ZC3H12B: variants seen among roughly 807,000 people sequenced by gnomAD.
ZC3H12B encodes the protein probable ribonuclease ZC3H12B.
Under a neutral mutation model 43.9 loss-of-function variants are expected in ZC3H12B, and 7 were observed. That is an observed-to-expected ratio of 0.16 (90% CI 0.09 to 0.30). ZC3H12B has a LOEUF of 0.30. Ranked by LOEUF, ZC3H12B falls within the 10% of genes least tolerant of loss-of-function variation. The pLI is 1.00. For synonymous variants in ZC3H12B, 222 were observed against 241.7 expected, an observed-to-expected ratio of 0.92 and a Z score of 0.76; for missense variants, 475 against 670.2, an observed-to-expected ratio of 0.71 and a Z score of 3.22.
chrX:65,113,821 C>T, the ZC3H12B span, among the ~76,000 whole-genome samples: 1 of 106,210 alleles, frequency 9.4e-6, no homozygotes, highest in East Asian at 3.1e-4. Flanking sequence ...AAGGTATGTA[C>T]ATTTCTAGAC....
chrX:65,222,762 G>T, the ZC3H12B span, among the ~76,000 whole-genome samples: 2 of 110,342 alleles, frequency 1.8e-5, no homozygotes, highest in Non-Finnish European at 3.8e-5. Context: ...AACATCCCAT[G>T]CTCATGGATG....
chrX:65,503,663 C>T (rs2068398760), exon 5 of ZC3H12B: 1 of 110,682 alleles, frequency 9.0e-6, no homozygotes, highest in Non-Finnish European at 1.9e-5. Context: ...GTTACACAGG[C>T]TGGAGTGCAG....
chrX:65,154,737 G>A, the ZC3H12B span, among the ~76,000 whole-genome samples: 2 of 111,283 alleles, frequency 1.8e-5, no homozygotes. Flanking sequence ...TTCCAGCTAT[G>A]AAGGAGGCTG....
At chrX:65,085,625 A>G in the ZC3H12B span, among the ~76,000 whole-genome samples, 1 of 110,207 alleles carries the variant, frequency 9.1e-6, no homozygotes. Flanking sequence ...ATAAAAAATT[A>G]GCCAGGCCTG....
At chrX:65,047,719 A>G in the ZC3H12B span, among the ~76,000 whole-genome samples, 1 of 111,019 alleles carries the variant, frequency 9.0e-6, no homozygotes, top group African/African-American at 3.3e-5. Flanking sequence ...TCAATGATAT[A>G]TATTTTTCCA....
intron 3 of ZC3H12B, among the ~76,000 whole-genome samples, chrX:65,472,352 G>A (rs1009682358): frequency 2.7e-5 from 3 of 109,684 alleles, no homozygotes; most frequent in African/African-American, 1.0e-4. Context: ...TTTTCACTCT[G>A]TTGATTGTTC....
At chrX:65,112,599 A>G in the ZC3H12B span, among the ~76,000 whole-genome samples, 2 of 111,852 alleles carry the variant, frequency 1.8e-5, no homozygotes, top group Non-Finnish European at 3.8e-5. Context: ...ACCATTAAAA[A>G]TTATGCTAAA....
the ZC3H12B span, among the ~76,000 whole-genome samples, chrX:65,238,860 G>C: frequency 2.7e-5 from 3 of 111,911 alleles, no homozygotes; most frequent in Admixed American, 2.8e-4. Context: ...TGATTCAGGA[G>C]CAGATTTTTC....
chrX:65,346,771 G>C, the ZC3H12B span, among the ~76,000 whole-genome samples: 1 of 112,072 alleles, frequency 8.9e-6, no homozygotes, highest in Admixed American at 9.4e-5. Flanking sequence ...CTCTCACCAG[G>C]GCATCTCTGA....
At chrX:65,422,812 T>A (rs1183008347) in intron 3 of ZC3H12B, among the ~76,000 whole-genome samples, 1 of 111,056 alleles carries the variant, frequency 9.0e-6, no homozygotes, top group Non-Finnish European at 1.9e-5. Context: ...GTGTTAGTTT[T>A]CTGAGAATGA....
chrX:65,176,164 G>T, the ZC3H12B span, among the ~76,000 whole-genome samples: 1 of 112,067 alleles, frequency 8.9e-6, no homozygotes, highest in Non-Finnish European at 1.9e-5. Context: ...TGCCAGGACA[G>T]CAGTCTGAAG....
At chrX:65,170,190 G>A in the ZC3H12B span, among the ~76,000 whole-genome samples, 70 of 111,568 alleles carry the variant, frequency 6.3e-4, no homozygotes, top group African/African-American at 2.0e-3. Flanking sequence ...CCTTTCCATG[G>A]TTAGTGCTTT....
At chrX:65,375,523 A>C (rs1226666322) in intron 2 of ZC3H12B, among the ~76,000 whole-genome samples, 1 of 111,992 alleles carries the variant, frequency 8.9e-6, no homozygotes, top group African/African-American at 3.2e-5. Flanking sequence ...CATGGCTGCG[A>C]AAGAGACACC....
At chrX:65,477,551 C>T (rs1249241222) in intron 3 of ZC3H12B, among the ~76,000 whole-genome samples, 2 of 111,756 alleles carry the variant, frequency 1.8e-5, no homozygotes. Flanking sequence ...GTAATCCCAG[C>T]ACTTTGGGAG....
the ZC3H12B span, among the ~76,000 whole-genome samples, chrX:65,176,927 T>C: frequency 4.5e-5 from 5 of 112,178 alleles, no homozygotes; most frequent in Non-Finnish European, 9.4e-5. Context: ...TAACTCATTG[T>C]ATGAGGCCAG....
chrX:65,174,118 C>A, the ZC3H12B span, among the ~76,000 whole-genome samples: 2 of 111,159 alleles, frequency 1.8e-5, no homozygotes, highest in Admixed American at 9.6e-5. Context: ...CTGGAATCTT[C>A]ATCCCAGAGG....
intron 3 of ZC3H12B, among the ~76,000 whole-genome samples, chrX:65,480,622 G>A (rs1207474733): frequency 2.7e-5 from 3 of 111,676 alleles, no homozygotes; most frequent in Non-Finnish European, 3.8e-5. Flanking sequence ...TGAGGGGGGC[G>A]GATCACCTGA....
the ZC3H12B span, among the ~76,000 whole-genome samples, chrX:65,195,788 C>CT: frequency 8.9e-6 from 1 of 112,024 alleles, no homozygotes; most frequent in African/African-American, 3.2e-5. Context: ...GGGCTTAAGA[C>CT]TAACACCTTT....
At chrX:65,355,507 T>A in the ZC3H12B span, among the ~76,000 whole-genome samples, 2 of 111,209 alleles carry the variant, frequency 1.8e-5, no homozygotes, top group African/African-American at 6.5e-5. Flanking sequence ...TTGCTACACT[T>A]TTTTCATCAG....
Sources: allele counts gnomAD v4.1 joint callset (sites outside exome capture counted in the v4.1 genomes callset), GRCh38; gene constraint gnomAD v4.1.1; transcripts MANE v1.5; gene names NCBI Gene and HGNC (gene_info 2026-07-23, HGNC 2026-07-21).